Variants in CREBL2 observed in about 807,000 individuals in gnomAD.
The protein encoded by CREBL2 is cAMP-responsive element-binding protein-like 2.
CREBL2 carries 4 observed loss-of-function variants against 19.5 expected under a neutral mutation model. The observed-to-expected ratio is 0.20, with a 90% confidence interval of 0.10 to 0.47. The LOEUF is 0.47. Ranked by LOEUF, CREBL2 falls within the 20% of genes least tolerant of loss-of-function variation. CREBL2 has a pLI of 0.98. For synonymous variants in CREBL2, 42 were observed against 46.6 expected (o/e 0.90, Z 0.40); for missense variants, 85 against 145.1 (o/e 0.59, Z 2.13).
intron 1 of CREBL2, among the ~76,000 whole-genome samples, chr12:12,616,946 T>C (rs1248598363): frequency 6.6e-6 from 1 of 152,096 alleles, no homozygotes; most frequent in Non-Finnish European, 1.5e-5. Flanking sequence ...GAGGTAGTAT[T>C]TGAGTGAGTA....
intron 1 of CREBL2, among the ~76,000 whole-genome samples, chr12:12,621,142 A>T (rs1390979860): frequency 6.6e-6 from 1 of 152,252 alleles, no homozygotes; most frequent in Non-Finnish European, 1.5e-5. Context: ...TGTTGGAATT[A>T]TTCCACTCTG....
At chr12:12,614,785 C>T in intron 1 of CREBL2, 1 of 383,048 alleles carries the variant, frequency 2.6e-6, no homozygotes. Context: ...TTGTTTACAA[C>T]AATGCCAACA....
intron 1 of CREBL2, among the ~76,000 whole-genome samples, chr12:12,626,807 A>G (rs181062179): frequency 9.0e-4 from 136 of 151,854 alleles, no homozygotes; most frequent in African/African-American, 3.2e-3. Flanking sequence ...AGGGTGAGGC[A>G]GGAGGATAGC....
At position 12,642,109 on chromosome 12, in the gene CREBL2, C is replaced by A. The variant is rs1945527705; in HGVS notation, c.*111C>A. 7.2e-6 allele frequency: 5 copies of A among 693,218 alleles called. No homozygotes were observed. The East Asian group carries it at 8.8e-5, about 12-fold the overall frequency. The allele number at this position is 693,218 out of a possible 1,614,324, so 42.9% of individuals were successfully genotyped here. A position where few individuals can be genotyped will look rare whatever the true frequency, so the allele number is the denominator to read the frequency against. On this transcript the variant is annotated 3_prime_UTR_variant, in exon 4 of 4. Transcript: ENST00000228865. Reference sequence around the variant, plus strand: ...CATTTACTACCTACTGCTCAGTAGTCATCTCTGTAAATCTGCAATTTCTAC... The same window carrying A: ...CATTTACTACCTACTGCTCAGTAGTAATCTCTGTAAATCTGCAATTTCTAC...
intron 1 of CREBL2, among the ~76,000 whole-genome samples, chr12:12,632,920 A>T (rs966887363): frequency 6.7e-6 from 1 of 149,774 alleles, no homozygotes; most frequent in South Asian, 2.1e-4. Flanking sequence ...AATTTTTTTA[A>T]TTTTTATTTT....
At chr12:12,612,245 G>C in intron 1 of CREBL2, 58 bp downstream of exon 1, 1 of 1,612,496 alleles carries the variant, frequency 6.2e-7, no homozygotes, top group Non-Finnish European at 8.5e-7. Flanking sequence ...CTAGTCCCGC[G>C]GCTGAACCTC....
chr12:12,640,881 T>G (rs898044000), intron 3 of CREBL2, among the ~76,000 whole-genome samples: 11 of 152,188 alleles, frequency 7.2e-5, no homozygotes, highest in African/African-American at 1.4e-4. Flanking sequence ...TTAATTTTGG[T>G]GAAGTCCAAT....
chr12:12,620,660 G>A (rs1945352469), intron 1 of CREBL2, among the ~76,000 whole-genome samples: 1 of 152,154 alleles, frequency 6.6e-6, no homozygotes. Flanking sequence ...CTTAATCTAA[G>A]TTTAATCTAA....
intron 1 of CREBL2, among the ~76,000 whole-genome samples, chr12:12,622,612 G>A (rs542110671): frequency 1.4e-4 from 21 of 152,270 alleles, no homozygotes; most frequent in African/African-American, 4.3e-4. Flanking sequence ...TTCTCCTGTC[G>A]ACTAGAAAAA....
Position 12,643,074 on chromosome 12 carries a change from C to T in CREBL2, c.*1076C>T, listed in dbSNP as rs1945537332. ...TAGTTTCTTCCCAGACATGAATTTC[C>T]TGACAGGCTCTGAGCCAGAAACACA... On this transcript the variant is annotated 3_prime_UTR_variant, in exon 4 of 4. Transcript: ENST00000228865. 1 of 152,602 alleles carries T rather than the reference C, an allele frequency of 6.6e-6. No homozygotes were observed. The highest frequency in any genetic ancestry group is 2.1e-4 in the South Asian group (1 of 4,824). The allele number at this position is 152,602 out of a possible 1,614,324, so 9.5% of individuals were successfully genotyped here.
At chr12:12,632,275 C>T (rs1379787425) in intron 1 of CREBL2, among the ~76,000 whole-genome samples, 2 of 151,400 alleles carry the variant, frequency 1.3e-5, no homozygotes, top group Non-Finnish European at 2.9e-5. Context: ...GACGGGGTTT[C>T]ACCGTTTTAG....
chr12:12,642,042 T>G lies in CREBL2; in HGVS notation c.*44T>G. 6.6e-7 allele frequency: 1 copy of G among 1,512,420 alleles called. No individual in the cohort carries two copies. 93.7% of individuals were successfully genotyped at this position (1,512,420 alleles called of 1,614,324 possible). A position where few individuals can be genotyped will look rare whatever the true frequency, so the allele number is the denominator to read the frequency against. On this transcript the variant is annotated 3_prime_UTR_variant, in exon 4 of 4. Coordinates refer to ENST00000228865, the MANE Select transcript of CREBL2 (RefSeq NM_001310.4). ...TCAGTGATTGAAGCCAATATTCTGATTCCCATGGAAGATGGATGGGCAAGA... is the reference window on the plus strand; with the variant it reads ...TCAGTGATTGAAGCCAATATTCTGAGTCCCATGGAAGATGGATGGGCAAGA...
At chr12:12,613,474 A>C (rs1264192080) in intron 1 of CREBL2, among the ~76,000 whole-genome samples, 4 of 152,172 alleles carry the variant, frequency 2.6e-5, no homozygotes, top group African/African-American at 9.7e-5. Flanking sequence ...GAGATTCAAA[A>C]AATTTCCAAC....
chr12:12,618,482 G>A (rs10772583), intron 1 of CREBL2, among the ~76,000 whole-genome samples: 1 of 150,608 alleles, frequency 6.6e-6, no homozygotes, highest in Non-Finnish European at 1.5e-5. Context: ...GGGCGGCCGG[G>A]CAGAGACGCT....
At chr12:12,631,489 T>C (rs1357540604) in intron 1 of CREBL2, among the ~76,000 whole-genome samples, 1 of 152,148 alleles carries the variant, frequency 6.6e-6, no homozygotes, top group Non-Finnish European at 1.5e-5. Context: ...TTCTTTGGAG[T>C]TTATGTCGGT....
At chr12:12,639,030 A>G (rs768374818) in intron 3 of CREBL2, among the ~76,000 whole-genome samples, 8 of 152,154 alleles carry the variant, frequency 5.3e-5, no homozygotes, top group African/African-American at 7.2e-5. Context: ...GGATTTACCT[A>G]TTCTGTATAT....
intron 1 of CREBL2, among the ~76,000 whole-genome samples, chr12:12,623,746 T>C (rs984971290): frequency 1.4e-4 from 22 of 152,242 alleles, no homozygotes; most frequent in Admixed American, 1.2e-3. Context: ...TATCACCTTA[T>C]ATGGTAAAAC....
chr12:12,617,223 G>T (rs1194145970), intron 1 of CREBL2, among the ~76,000 whole-genome samples: 2 of 152,168 alleles, frequency 1.3e-5, no homozygotes, highest in East Asian at 1.9e-4. Context: ...AGATTGCCCT[G>T]ATGTACTCGG....
At chr12:12,637,793 CACTT>C in intron 3 of CREBL2, 79 bp downstream of exon 3, 1 of 1,426,870 alleles carries the variant, frequency 7.0e-7, no homozygotes, top group Non-Finnish European at 9.3e-7. Flanking sequence ...GTAATCCTAG[CACTT>C]TGGGAGGCCG....
Sources: gnomAD v4.1 joint callset for allele counts (sites outside exome capture counted in the v4.1 genomes callset) on GRCh38, gnomAD v4.1.1 for gene constraint, MANE v1.5 for transcripts, NCBI Gene and HGNC (gene_info 2026-07-23, HGNC 2026-07-21) for gene names.